TTC28: variants seen among roughly 807,000 people sequenced by gnomAD.
TTC28 encodes tetratricopeptide repeat protein 28.
Under a neutral mutation model 198.0 loss-of-function variants are expected in TTC28, and 61 were observed. The ratio of observed to expected loss-of-function variants is 0.31; its 90% CI spans 0.25 to 0.38. The LOEUF is 0.38. TTC28 is among the 10% of genes least tolerant of loss of function. The pLI is 1.00. For missense variants in TTC28, 2,678 were observed against 3,164.0 expected (o/e 0.85, Z 3.69); for synonymous variants, 1,171 against 1,297.8 (o/e 0.90, Z 2.10).
intron 12 of TTC28, among the ~76,000 whole-genome samples, chr22:28,063,936 T>A (rs1224983562): frequency 6.6e-6 from 1 of 152,114 alleles, no homozygotes; most frequent in Non-Finnish European, 1.5e-5. Context: ...CAATGAAGGT[T>A]TAACTGGGGG....
At chr22:28,164,176 T>C (rs946404539) in intron 5 of TTC28, among the ~76,000 whole-genome samples, 1 of 152,096 alleles carries the variant, frequency 6.6e-6, no homozygotes, top group Admixed American at 6.6e-5. Context: ...CCCACCACAG[T>C]TCAAAGAGGC....
At chr22:28,357,052 C>G (rs1367854558) in intron 2 of TTC28, among the ~76,000 whole-genome samples, 1 of 152,066 alleles carries the variant, frequency 6.6e-6, no homozygotes, top group African/African-American at 2.4e-5. Flanking sequence ...TCATTTTAGT[C>G]TCACAATAAA....
chr22:27,995,894 G>A (rs533634476), intron 17 of TTC28, among the ~76,000 whole-genome samples: 17 of 152,282 alleles, frequency 1.1e-4, no homozygotes, highest in African/African-American at 3.8e-4. Context: ...TCCCGGGGAC[G>A]TCTGCAGAAG....
chr22:28,462,423 C>A (rs976376987), intron 2 of TTC28, among the ~76,000 whole-genome samples: 2 of 152,158 alleles, frequency 1.3e-5, no homozygotes, highest in East Asian at 3.8e-4. Flanking sequence ...AACAGGCCTA[C>A]AATTGACCTA....
intron 2 of TTC28, among the ~76,000 whole-genome samples, chr22:28,558,638 G>A (rs2049822074): frequency 1.3e-5 from 2 of 151,976 alleles, no homozygotes; most frequent in South Asian, 4.1e-4. Flanking sequence ...TCGCACCACT[G>A]CACTCCAGCC....
chr22:27,989,843 C>A, intron 21 of TTC28, 35 bp downstream of exon 21: 3 of 1,532,510 alleles, frequency 2.0e-6, no homozygotes, highest in South Asian at 2.4e-5. Flanking sequence ...AGATGGAATT[C>A]AAGAACCCAT....
At chr22:28,274,208 T>C (rs1932267516) in intron 5 of TTC28, among the ~76,000 whole-genome samples, 1 of 152,222 alleles carries the variant, frequency 6.6e-6, no homozygotes, top group South Asian at 2.1e-4. Context: ...CAGTTTCTGA[T>C]ATGCAGAGAG....
chr22:28,163,286 T>A lies in TTC28; in HGVS notation c.1247A>T (p.Tyr416Phe), dbSNP rs1304892383. The change falls in exon 6 of 23, where the codon TAC becomes TTC. Residue 416 changes from tyrosine (Y) to phenylalanine (F), a missense_variant. This residue lies in a region of TTC28 where 775 missense variants were observed against 845.9 expected (regional missense o/e 0.92). Transcript: ENST00000397906. ...YRRNFDKAMS[Y>F]HNYVLELAQE... ...TGCCAGCTCCAGGACATAGTTATGG[T>A]AAGACATGGCCTTGTCAAAGTTCCT... The A allele has an allele frequency of 6.4e-7, 1 of 1,551,960 alleles. No individual in the cohort carries two copies. Among genetic ancestry groups the A allele is most frequent in the Non-Finnish European group, 8.7e-7 (1 of 1,147,060 alleles).
At chr22:28,342,823 G>A (rs1023603417) in intron 2 of TTC28, among the ~76,000 whole-genome samples, 2 of 152,084 alleles carry the variant, frequency 1.3e-5, no homozygotes, top group African/African-American at 4.8e-5. Context: ...AGACTAACCA[G>A]ACAAGAGAAG....
At chr22:28,088,072 A>T (rs900036294) in intron 12 of TTC28, among the ~76,000 whole-genome samples, 16 of 152,192 alleles carry the variant, frequency 1.1e-4, no homozygotes, top group Admixed American at 2.6e-4. Flanking sequence ...ATTATTGTGA[A>T]AATGGCCATA....
At chr22:28,516,234 A>T (rs1014119723) in intron 2 of TTC28, among the ~76,000 whole-genome samples, 11 of 152,166 alleles carry the variant, frequency 7.2e-5, no homozygotes, top group African/African-American at 2.7e-4. Flanking sequence ...ATAGTAAACT[A>T]ATATGGTAAT....
At chr22:28,547,215 A>AGT (rs113464807) in intron 2 of TTC28, among the ~76,000 whole-genome samples, 9,024 of 149,678 alleles carry the variant, frequency 0.06, 369 homozygotes, top group Admixed American at 0.14. Flanking sequence ...TGTGTGTGTG[A>AGT]GTGTGTGTGT....
chr22:28,457,645 C>G (rs1425688097), intron 2 of TTC28, among the ~76,000 whole-genome samples: 2 of 152,186 alleles, frequency 1.3e-5, no homozygotes, highest in African/African-American at 2.4e-5. Context: ...AATTTAAAGT[C>G]TCACATAATA....
chr22:28,085,450 C>G (rs1364914691), intron 12 of TTC28, among the ~76,000 whole-genome samples: 1 of 152,132 alleles, frequency 6.6e-6, no homozygotes, highest in Admixed American at 6.5e-5. Flanking sequence ...CCTTTACAGA[C>G]AAGCAAATGC....
At chr22:28,395,631 C>CA (rs67627145) in intron 2 of TTC28, among the ~76,000 whole-genome samples, 5 of 24,640 alleles carry the variant, frequency 2.0e-4, no homozygotes, top group African/African-American at 2.8e-4. Context: ...AAAAACCAAA[C>CA]AAACAAAAAA....
intron 2 of TTC28, among the ~76,000 whole-genome samples, chr22:28,589,897 G>C (rs1601598143): frequency 6.6e-6 from 1 of 151,432 alleles, no homozygotes; most frequent in East Asian, 2.0e-4. Context: ...AATTAACTGG[G>C]CATGGTGGTG....
At chr22:28,254,723 A>G (rs757763370) in intron 5 of TTC28, among the ~76,000 whole-genome samples, 1 of 152,216 alleles carries the variant, frequency 6.6e-6, no homozygotes, top group East Asian at 1.9e-4. Flanking sequence ...GAGGGAACTC[A>G]ATACCAAAGC....
intron 1 of TTC28, among the ~76,000 whole-genome samples, chr22:28,674,077 T>A (rs1362056030): frequency 6.6e-6 from 1 of 152,134 alleles, no homozygotes; most frequent in Non-Finnish European, 1.5e-5. Context: ...TTTTAATATT[T>A]AAAATTCACT....
At chr22:28,450,986 A>T (rs1601413835) in intron 2 of TTC28, among the ~76,000 whole-genome samples, 4 of 152,312 alleles carry the variant, frequency 2.6e-5, no homozygotes, top group Middle Eastern at 6.8e-3. Flanking sequence ...CTGAGTTGAG[A>T]AAACAGAGAT....
Sources: gnomAD v4.1 joint callset for allele counts (sites outside exome capture counted in the v4.1 genomes callset) on GRCh38, gnomAD v4.1.1 for gene constraint, gnomAD v4.1.1 regional missense constraint, MANE v1.5 for transcripts, NCBI Gene and HGNC (gene_info 2026-07-23, HGNC 2026-07-21) for gene names.